ATP13A4: variants seen among roughly 807,000 people sequenced by gnomAD.
ATP13A4 encodes the protein probable cation-transporting ATPase 13A4.
ATP13A4 carries 114 observed loss-of-function variants against 142.5 expected under a neutral mutation model. The observed-to-expected ratio is 0.80, with a 90% CI of 0.69 to 0.93. The LOEUF is 0.93. Ranked by LOEUF, ATP13A4 falls within the 40% of genes least tolerant of loss-of-function variation. ATP13A4 has a pLI of 0.00. For synonymous variants in ATP13A4, 488 were observed against 514.8 expected, an observed-to-expected ratio of 0.95 and a Z score of 0.70; for missense variants, 1,392 against 1,454.0, an observed-to-expected ratio of 0.96 and a Z score of 0.69.
upstream of ATP13A4, among the ~76,000 whole-genome samples, chr3:193,558,826 G>T (rs1723956489): frequency 6.6e-6 from 1 of 152,182 alleles, no homozygotes; most frequent in South Asian, 2.1e-4. Context: ...TTCATTCTCT[G>T]ATTCTCTCCC....
At position 193,416,186 on chromosome 3, in the gene ATP13A4, A is replaced by G. The variant is rs1462066902; in HGVS notation, c.2843-1436T>C. ...AAACTAGTACAGTCTTTCCAAAAAA[A>G]GCTTTGGAAAGTCACTAAACAAATG... On this transcript the variant is annotated intron_variant, in intron 25 of 29. Coordinates refer to ENST00000342695, the MANE Select transcript of ATP13A4 (RefSeq NM_032279.4). Among the ~76,000 whole-genome samples the G allele has an allele frequency of 2.0e-5, 3 of 152,350 alleles. No individual in the cohort carries two copies. In the East Asian group the frequency reaches 5.8e-4, roughly 29 times the overall value.
Position 193,402,525 on chromosome 3 carries a change from A to T in ATP13A4, c.*127T>A, listed in dbSNP as rs1010877283. 7 of 669,096 alleles carry T rather than the reference A, an allele frequency of 1.0e-5. No individual in the cohort carries two copies. The highest frequency in any genetic ancestry group is 7.1e-5 in the African/African-American group (4 of 55,960). 41.4% of individuals were successfully genotyped at this position (669,096 alleles called of 1,614,324 possible). The stretch of plus-strand genomic sequence containing the variant: ...TTTATCAAACAGACTTTAGTTTGTC[A>T]CCATGATTTGATAGGTAGCCCCAAA... On this transcript the variant is annotated 3_prime_UTR_variant, in exon 30 of 30. Transcript: ENST00000342695.
upstream of ATP13A4, among the ~76,000 whole-genome samples, chr3:193,556,162 A>C (rs544455231): frequency 4.6e-5 from 7 of 152,256 alleles, no homozygotes; most frequent in Admixed American, 1.3e-4. Context: ...ATTTCCTCAC[A>C]TGTAACATAA....
intron 24 of ATP13A4, among the ~76,000 whole-genome samples, chr3:193,435,125 A>G (rs2108617712): frequency 6.6e-6 from 1 of 152,332 alleles, no homozygotes; most frequent in East Asian, 1.9e-4. Context: ...TATATGGGGC[A>G]AGTATTATAG....
At chr3:193,501,558 A>G (rs1011462414) in intron 3 of ATP13A4, among the ~76,000 whole-genome samples, 4 of 147,774 alleles carry the variant, frequency 2.7e-5, no homozygotes, top group African/African-American at 1.0e-4. Flanking sequence ...ATTGCACTCC[A>G]CCCTGGGCAA....
intron 1 of ATP13A4, among the ~76,000 whole-genome samples, chr3:193,529,616 TCA>T (rs199665494): frequency 6.2e-5 from 7 of 112,688 alleles, no homozygotes; most frequent in East Asian, 2.6e-4. Context: ...CTCACCAATT[TCA>T]CATGTTACAC....
chr3:193,475,955 C>T (rs1718939976), intron 8 of ATP13A4, among the ~76,000 whole-genome samples: 1 of 151,922 alleles, frequency 6.6e-6, no homozygotes, highest in Admixed American at 6.6e-5. Context: ...GTAATCTCTT[C>T]CTGTCATTGA....
chr3:193,415,430 C>A (rs1715010179), intron 25 of ATP13A4, among the ~76,000 whole-genome samples: 1 of 152,154 alleles, frequency 6.6e-6, no homozygotes, highest in Admixed American at 6.5e-5. Flanking sequence ...AACACTGAAT[C>A]AAGAAAAAGA....
chr3:193,508,052 A>G (rs946140887), intron 2 of ATP13A4, among the ~76,000 whole-genome samples: 6 of 152,224 alleles, frequency 3.9e-5, no homozygotes. Context: ...ACTAATGTCC[A>G]TATGAGATGA....
rs370325125 is a variant in ATP13A4, at chr3:193,513,273, T to A, written c.234+1425A>T. Among the ~76,000 whole-genome samples, 17 of 152,336 alleles carry A rather than the reference T, an allele frequency of 1.1e-4. No homozygotes were observed. In the East Asian group the frequency reaches 2.9e-3, roughly 26 times the overall value. ...TCTGTTAGATTTCTTTTTGGCCAGT[T>A]ATAAGGCTGATTGCTATCCTTCTCT... On this transcript the variant is annotated intron_variant, in intron 2 of 29. Transcript: ENST00000342695.
At chr3:193,505,153 A>G (rs979602928) in intron 2 of ATP13A4, among the ~76,000 whole-genome samples, 2 of 152,116 alleles carry the variant, frequency 1.3e-5, no homozygotes, top group Non-Finnish European at 1.5e-5. Context: ...AAGTTGTCCC[A>G]TGGTGTCTAT....
intron 11 of ATP13A4, among the ~76,000 whole-genome samples, chr3:193,465,642 T>C (rs1156612614): frequency 2.0e-5 from 3 of 152,222 alleles, no homozygotes; most frequent in African/African-American, 7.2e-5. Flanking sequence ...AATAACGTAC[T>C]AGTCTGCCAT....
intron 25 of ATP13A4, among the ~76,000 whole-genome samples, chr3:193,432,783 A>G (rs1716052447): frequency 6.6e-6 from 1 of 152,128 alleles, no homozygotes; most frequent in African/African-American, 2.4e-5. Context: ...CTGAGACGGT[A>G]AAAGATCACA....
chr3:193,588,200 C>G (rs1724701766), intron 1 of ATP13A4, among the ~76,000 whole-genome samples: 1 of 152,144 alleles, frequency 6.6e-6, no homozygotes, highest in South Asian at 2.1e-4. Flanking sequence ...ATTTCAAGTT[C>G]TTGCACAGTT....
At chr3:193,576,249 C>CTTTTTTTTTTTTTTT (rs59910562) in intron 2 of ATP13A4, among the ~76,000 whole-genome samples, 1 of 54,398 alleles carries the variant, frequency 1.8e-5, no homozygotes, top group Non-Finnish European at 3.3e-5. Context: ...TTGAATCAAT[C>CTTTTTTTTTTTTTTT]TTTTTTTTTT....
Position 193,478,940 on chromosome 3 carries a change from C to T in ATP13A4, c.808+4996G>A, listed in dbSNP as rs141011610. On this transcript the variant is annotated intron_variant, in intron 8 of 29. Coordinates refer to ENST00000342695, the MANE Select transcript of ATP13A4 (RefSeq NM_032279.4). ...CCACCATGATCAAGTGGGTTTCATA[C>T]CAAGAATGCAGGGATGATTTAACAT... is the stretch of plus-strand genomic sequence containing the variant. Among the ~76,000 whole-genome samples the T allele has an allele frequency of 8.1e-3, 1,239 of 152,212 alleles. 31 individuals are homozygous for T. The East Asian group carries it at 0.098, about 12-fold the overall frequency.
chr3:193,451,208 C>G (rs984699540), intron 17 of ATP13A4, among the ~76,000 whole-genome samples: 11 of 152,158 alleles, frequency 7.2e-5, no homozygotes, highest in Admixed American at 7.2e-4. Flanking sequence ...TCTCATGGTC[C>G]TGGTACTCAG....
intron 1 of ATP13A4, among the ~76,000 whole-genome samples, chr3:193,550,919 A>C (rs1014628420): frequency 3.3e-5 from 5 of 152,194 alleles, no homozygotes; most frequent in African/African-American, 1.2e-4. Context: ...GGTATAAGGA[A>C]ATGGTTCTAA....
Position 193,462,843 on chromosome 3 carries a change from C to A in ATP13A4, c.1462-20G>T. The A allele has an allele frequency of 1.2e-6, 2 of 1,612,480 alleles. No homozygotes were observed. Among genetic ancestry groups the A allele is most frequent in the Middle Eastern group, 3.3e-4 (2 of 6,060 alleles). On this transcript the variant is annotated intron_variant, in intron 12 of 29. Coordinates refer to ENST00000342695, the MANE Select transcript of ATP13A4 (RefSeq NM_032279.4). ...GCCTGTCTAAACAGAAACAAATGCT[C>A]CATTTACTCTGAAGATCCAGGCAAG...
Sources: allele counts gnomAD v4.1 joint callset (sites outside exome capture counted in the v4.1 genomes callset), GRCh38; gene constraint gnomAD v4.1.1; transcripts MANE v1.5; gene names NCBI Gene and HGNC (gene_info 2026-07-23, HGNC 2026-07-21).